Variants in HECW2 observed in about 807,000 individuals in gnomAD.
HECW2 encodes the protein E3 ubiquitin-protein ligase HECW2.
Under a neutral mutation model 175.2 loss-of-function variants are expected in HECW2, and 61 were observed. The observed-to-expected ratio is 0.35, with a 90% CI of 0.28 to 0.43. The LOEUF (loss-of-function observed/expected upper bound fraction) is 0.43, where lower values mean the gene tolerates loss of function less well. Among genes scored for constraint, HECW2 ranks in the 20% least tolerant of loss-of-function variants. HECW2 has a pLI of 1.00. For synonymous variants in HECW2, 671 were observed against 731.0 expected (o/e 0.92, Z 1.32); for missense variants, 1,524 against 2,000.5 (o/e 0.76, Z 4.54).
At chr2:196,431,305 G>T (rs76780285) in intron 2 of HECW2, among the ~76,000 whole-genome samples, 7 of 152,076 alleles carry the variant, frequency 4.6e-5, no homozygotes, top group Non-Finnish European at 1.0e-4. Flanking sequence ...GATTCATTGC[G>T]GTTGGAATTC....
rs1172354613 is a variant in HECW2, at chr2:196,278,641, A to C, written c.3022T>G (p.Ser1008Ala). Residue 1008 changes from serine to alanine, a missense_variant, in exon 15 of 29, where the codon TCC (serine) becomes GCC (alanine). Physicochemically the swap from Ser to Ala is moderately conservative, Grantham distance 99 (BLOSUM62 1). Coordinates refer to ENST00000644978, the MANE Select transcript of HECW2 (RefSeq NM_001348768.2). ...GGATCAATGAAAGTGGTGGTGCGGG[A>C]GTTGTGGTCCACAAAGAATGCCTAG... Reference protein sequence around the residue: ...QGKAFFVDHNSRTTTFIDPRL... With the variant: ...QGKAFFVDHNARTTTFIDPRL... 1.9e-6 allele frequency: 3 copies of C among 1,614,058 alleles called. No individual in the cohort carries two copies. Among genetic ancestry groups the C allele is most frequent in the African/African-American group, 1.3e-5 (1 of 75,022 alleles).
At chr2:196,250,679 G>A (rs370434696) in intron 19 of HECW2, among the ~76,000 whole-genome samples, 52 of 152,102 alleles carry the variant, frequency 3.4e-4, no homozygotes, top group African/African-American at 1.2e-3. Flanking sequence ...TCCCTATTTT[G>A]TTCCAAAGTT....
Position 196,262,765 on chromosome 2 carries a change from A to G in HECW2, c.3336-4859T>C, listed in dbSNP as rs145905008. 6.0e-3 allele frequency among the ~76,000 whole-genome samples: 905 copies of G among 152,006 alleles called. 5 individuals carry two copies. Among genetic ancestry groups the G allele is most frequent in the Non-Finnish European group, 0.011 (730 of 67,924 alleles). ...ATTTTTAGCGGAAATAGGGTTTCAT[A>G]TGTTGGCCAGGTGAACTCCTGACCT... is the stretch of plus-strand genomic sequence containing the variant. On this transcript the variant is annotated intron_variant, in intron 17 of 28. Transcript: ENST00000644978.
chr2:196,242,904 G>A (rs1201990453), intron 19 of HECW2: 4 of 152,050 alleles, frequency 2.6e-5, no homozygotes, highest in Non-Finnish European at 5.9e-5. Context: ...TGTTGGCCAG[G>A]CTGGTCTGGA....
At chr2:196,357,795 TTC>T (rs1458516919) in intron 2 of HECW2, among the ~76,000 whole-genome samples, 1 of 152,166 alleles carries the variant, frequency 6.6e-6, no homozygotes, top group African/African-American at 2.4e-5. Context: ...TTTTGCTCAC[TTC>T]TCTCTCCTGC....
intron 16 of HECW2, among the ~76,000 whole-genome samples, chr2:196,273,002 A>G (rs922851831): frequency 6.7e-6 from 1 of 149,556 alleles, no homozygotes; most frequent in Non-Finnish European, 1.5e-5. Flanking sequence ...TTTTTTTTTA[A>G]TTTAAAGAAG....
chr2:196,397,771 G>A (rs1694710822), intron 2 of HECW2, among the ~76,000 whole-genome samples: 1 of 152,186 alleles, frequency 6.6e-6, no homozygotes, highest in African/African-American at 2.4e-5. Flanking sequence ...TCCACCAACT[G>A]TTTAGATATC....
At chr2:196,479,709 C>T (rs1334847479) in intron 1 of HECW2, among the ~76,000 whole-genome samples, 2 of 152,164 alleles carry the variant, frequency 1.3e-5, no homozygotes, top group Admixed American at 1.3e-4. Context: ...AGCAACCTCT[C>T]CAGATCTCCT....
chr2:196,534,584 A>T (rs1688955286), intron 1 of HECW2, among the ~76,000 whole-genome samples: 1 of 152,216 alleles, frequency 6.6e-6, no homozygotes, highest in Non-Finnish European at 1.5e-5. Context: ...CATCTCCCAT[A>T]AATATCAGAA....
chr2:196,517,915 C>T (rs1480486732), intron 1 of HECW2, among the ~76,000 whole-genome samples: 1 of 152,170 alleles, frequency 6.6e-6, no homozygotes, highest in Non-Finnish European at 1.5e-5. Flanking sequence ...CCCCTAATTC[C>T]ACCTCAAAGC....
chr2:196,487,147 TAA>T (rs375017365), intron 1 of HECW2, among the ~76,000 whole-genome samples: 20 of 123,812 alleles, frequency 1.6e-4, no homozygotes, highest in Admixed American at 2.5e-4. Context: ...AGACTCTGCC[TAA>T]AAAAAAAAAA....
Position 196,329,520 on chromosome 2 carries a change from T to G in HECW2, c.571+55A>C. Reference sequence around the variant, plus strand: ...GTCTGCAGAAAGAAGTGACTATTCATACCTTCGAAACTGTACACTTTCAAA... The same window carrying G: ...GTCTGCAGAAAGAAGTGACTATTCAGACCTTCGAAACTGTACACTTTCAAA... On this transcript the variant is annotated intron_variant, in intron 5 of 28. Coordinates refer to ENST00000644978, the MANE Select transcript of HECW2 (RefSeq NM_001348768.2). 2.8e-6 allele frequency: 4 copies of G among 1,427,252 alleles called. No homozygotes were observed. The South Asian group carries it at 4.6e-5, about 16-fold the overall frequency. 88.4% of individuals were successfully genotyped at this position (1,427,252 alleles called of 1,614,324 possible).
intron 11 of HECW2, 150 bp from the exon 12 acceptor site, chr2:196,307,383 G>C (rs887576823): frequency 2.1e-6 from 1 of 486,658 alleles, no homozygotes; most frequent in Non-Finnish European, 3.6e-6. Flanking sequence ...GCCACCTGCT[G>C]TTTAAATTAC....
chr2:196,382,326 CT>C (rs980451425), intron 2 of HECW2, among the ~76,000 whole-genome samples: 13 of 150,766 alleles, frequency 8.6e-5, no homozygotes, highest in African/African-American at 1.9e-4. Flanking sequence ...GCATTGTTAC[CT>C]GTGAGAAAAA....
intron 14 of HECW2, among the ~76,000 whole-genome samples, chr2:196,280,445 A>C (rs1023911000): frequency 6.6e-6 from 1 of 152,190 alleles, no homozygotes; most frequent in Non-Finnish European, 1.5e-5. Flanking sequence ...CATATAGAAA[A>C]CATTTTTACA....
At chr2:196,229,806 T>G (rs1687984442) in intron 21 of HECW2, among the ~76,000 whole-genome samples, 1 of 152,380 alleles carries the variant, frequency 6.6e-6, no homozygotes, top group East Asian at 1.9e-4. Context: ...ATATTTTTCA[T>G]TAAATCAACT....
chr2:196,327,321 T>G (rs1016635279), intron 5 of HECW2, among the ~76,000 whole-genome samples: 2 of 152,346 alleles, frequency 1.3e-5, no homozygotes, highest in Admixed American at 6.5e-5. Flanking sequence ...CTACCAGTGA[T>G]TTTTAATCTG....
rs115359944 is a variant in HECW2, at chr2:196,484,150, T to C, written c.-35-50692A>G. Among the ~76,000 whole-genome samples, 859 of 152,330 alleles carry C rather than the reference T, an allele frequency of 5.6e-3. 9 individuals carry two copies. The highest frequency in any genetic ancestry group is 0.02 in the African/African-American group (814 of 41,570). On this transcript the variant is annotated intron_variant, in intron 1 of 28. Coordinates refer to ENST00000644978, the MANE Select transcript of HECW2 (RefSeq NM_001348768.2). ...GGAAATAATAATAGTTGTTGCTTCA[T>C]TAAGTTGTTGGAGGTTTATAAGCTA...
chr2:196,197,992 A>G lies in HECW2; in HGVS notation c.*3285T>C, dbSNP rs1231717396. On this transcript the variant is annotated 3_prime_UTR_variant, in exon 29 of 29. Coordinates refer to ENST00000644978, the MANE Select transcript of HECW2 (RefSeq NM_001348768.2). Reference sequence around the variant, plus strand: ...GAATTTCTGCTAAATTATAAACGCAATATATGCTAGAAAATTGTGACCATA... The same window carrying G: ...GAATTTCTGCTAAATTATAAACGCAGTATATGCTAGAAAATTGTGACCATA... The G allele has an allele frequency of 6.6e-6, 1 of 152,196 alleles. No homozygotes were observed. The highest frequency in any genetic ancestry group is 1.5e-5 in the Non-Finnish European group (1 of 68,028). 9.4% of individuals were successfully genotyped at this position (152,196 alleles called of 1,614,324 possible).
Sources: gnomAD v4.1 joint callset for allele counts (sites outside exome capture counted in the v4.1 genomes callset) on GRCh38, gnomAD v4.1.1 for gene constraint, MANE v1.5 for transcripts, NCBI Gene and HGNC (gene_info 2026-07-23, HGNC 2026-07-21) for gene names.